CTSD: variants seen among roughly 807,000 people sequenced by gnomAD.
The protein encoded by CTSD is cathepsin D.
CTSD carries 28 observed loss-of-function variants against 43.6 expected under a neutral mutation model. That is an observed-to-expected ratio of 0.64 (90% CI 0.48 to 0.88). CTSD has a LOEUF of 0.88. Among genes scored for constraint, CTSD ranks in the 40% least tolerant of loss-of-function variants. CTSD has a pLI of 0.00. For missense variants in CTSD, 485 were observed against 555.2 expected (o/e 0.87, Z 1.27); for synonymous variants, 270 against 249.8 (o/e 1.08, Z -0.76).
At chr11:1,754,508 A>AGGGATGTG (rs1845777584) in intron 6 of CTSD, among the ~76,000 whole-genome samples, 4 of 24,442 alleles carry the variant, frequency 1.6e-4, no homozygotes, top group Admixed American at 5.7e-4. Context: ...GTGGGGATGG[A>AGGGATGTG]GGGATGGAGG....
intron 2 of CTSD, 183 bp downstream of exon 2, chr11:1,761,126 G>T: frequency 1.5e-6 from 1 of 671,966 alleles, no homozygotes; most frequent in Non-Finnish European, 2.7e-6. Context: ...AATGACAGGG[G>T]CCAGTGGCAG....
chr11:1,762,830 G>A (rs936698176), intron 1 of CTSD, among the ~76,000 whole-genome samples: 1 of 152,126 alleles, frequency 6.6e-6, no homozygotes, highest in African/African-American at 2.4e-5. Context: ...GGGGCTACCC[G>A]CCCCCGGGCC....
At chr11:1,759,397 C>T (rs1845847351) in intron 3 of CTSD, 119 bp downstream of exon 3, 7 of 1,462,680 alleles carry the variant, frequency 4.8e-6, no homozygotes, top group African/African-American at 1.4e-5. Context: ...GAGGGCTGGC[C>T]TGGCTCACGG....
In CTSD at chr11:1,757,363, T is replaced by A; in HGVS notation, c.665A>T (p.Lys222Met). The change falls in exon 5 of 9, where the codon AAG becomes ATG. Residue 222 changes from lysine (K) to methionine (M), a missense_variant. Physicochemically the swap from Lys to Met is moderately conservative, Grantham distance 95. Coordinates refer to ENST00000236671, the MANE Select transcript of CTSD (RefSeq NM_001909.5). The part of the protein sequence containing the change: ...LPVFDNLMQQ[K>M]LVDQNIFSFY... Reference sequence around the variant, plus strand: ...GGAGAAGATGTTCTGGTCCACCAGCTTCTGCTGCATCAGGTTGTCGAAGAC... The same window carrying A: ...GGAGAAGATGTTCTGGTCCACCAGCATCTGCTGCATCAGGTTGTCGAAGAC... 6.2e-7 allele frequency: 1 copy of A among 1,614,088 alleles called. No homozygotes were observed. Among genetic ancestry groups the A allele is most frequent in the Non-Finnish European group, 8.5e-7 (1 of 1,180,022 alleles).
At position 1,753,751 on chromosome 11, in the gene CTSD, C is replaced by A. The variant is rs566126975; in HGVS notation, c.1071+52G>T. The A allele has an allele frequency of 4.7e-5, 75 of 1,606,684 alleles. No homozygotes were observed. The South Asian group carries it at 6.5e-4, about 14-fold the overall frequency. On this transcript the variant is annotated intron_variant, in intron 8 of 8. Coordinates refer to ENST00000236671, the MANE Select transcript of CTSD (RefSeq NM_001909.5). ...GTTGCCCGCTCACCTGGAGCGTGCGCCCCCTCACCGCCCGCTCACCTGGGG... is the reference window on the plus strand; with the variant it reads ...GTTGCCCGCTCACCTGGAGCGTGCGACCCCTCACCGCCCGCTCACCTGGGG...
rs1222996487 is a variant in CTSD, at chr11:1,757,933, T to A, written c.472-377A>T. ...CAGCCTGGGCCAGGAGCCCGAGAGA[T>A]GGGGAACCTGCCGACCCCATCCCAA... On this transcript the variant is annotated intron_variant, in intron 4 of 8. Coordinates refer to ENST00000236671, the MANE Select transcript of CTSD (RefSeq NM_001909.5). 9 of 335,428 alleles carry A rather than the reference T, an allele frequency of 2.7e-5. No individual in the cohort carries two copies. The Admixed American group carries it at 2.7e-4, about 10-fold the overall frequency. 20.8% of individuals were successfully genotyped at this position (335,428 alleles called of 1,614,324 possible).
rs767163886 is a variant in CTSD at position 1,753,371 on chromosome 11, G to C, written c.*132C>G. On this transcript the variant is annotated 3_prime_UTR_variant, in exon 9 of 9. Coordinates refer to ENST00000236671, the MANE Select transcript of CTSD (RefSeq NM_001909.5). ...CAAAACAGCAAGTCGGGCTTGGGCC[G>C]CCGGCTTCCAGGGCGCCCAGGACAG... The C allele has an allele frequency of 8.8e-7, 1 of 1,134,448 alleles. No homozygotes were observed. The highest frequency in any genetic ancestry group is 1.8e-5 in the Admixed American group (1 of 56,400). The allele number at this position is 1,134,448 out of a possible 1,614,324, so 70.3% of individuals were successfully genotyped here. A position where few individuals can be genotyped will look rare whatever the true frequency, so the allele number is the denominator to read the frequency against.
rs1441030551 is a variant in CTSD, at chr11:1,754,531, GGAGGGA to G, written c.827+369_827+374del. ...GGAGGGATGGAGGGATGGAGGGGATGGAGGGATGGAGGGATGGAGGGGATGGAGGGA... is the reference window on the plus strand; with the variant it reads ...GGAGGGATGGAGGGATGGAGGGGATGTGGAGGGATGGAGGGGATGGAGGGA... On this transcript the variant is annotated intron_variant, in intron 6 of 8. Transcript: ENST00000236671. Among the ~76,000 whole-genome samples the G allele has an allele frequency of 1.5e-3, 67 of 43,250 alleles. 2 individuals are homozygous for G. The highest frequency in any genetic ancestry group is 3.8e-3 in the South Asian group (4 of 1,054). 28.4% of individuals were successfully genotyped at this position (43,250 alleles called of 152,430 possible). A position where few individuals can be genotyped will look rare whatever the true frequency, so the allele number is the denominator to read the frequency against.
intron 4 of CTSD, 84 bp downstream of exon 4, chr11:1,758,885 C>T: frequency 1.9e-6 from 2 of 1,029,278 alleles, no homozygotes; most frequent in South Asian, 1.3e-5. Flanking sequence ...TCACCGAGCC[C>T]TCCCTTTCAA....
chr11:1,762,580 G>A (rs947091517), intron 1 of CTSD: 7 of 152,250 alleles, frequency 4.6e-5, no homozygotes, highest in African/African-American at 1.2e-4. Flanking sequence ...AGAGCTCCAG[G>A]TTTTGTCCTG....
rs144192783 is a variant in CTSD at position 1,761,314 on chromosome 11, T to C, written c.223A>G (p.Met75Val). The change falls in exon 2 of 9, where the codon ATG becomes GTG. Residue 75 changes from methionine (M) to valine (V), a missense_variant. Coordinates refer to ENST00000236671, the MANE Select transcript of CTSD (RefSeq NM_001909.5). ...GGCTAAGACCTCATACTCACGTCCATGTAGTTCTTGAGCACCTCGGGAATG... is the reference window on the plus strand; with the variant it reads ...GGCTAAGACCTCATACTCACGTCCACGTAGTTCTTGAGCACCTCGGGAATG... Reference protein sequence around the residue: ...GPIPEVLKNYMDAQYYGEIGI... With the variant: ...GPIPEVLKNYVDAQYYGEIGI... The C allele has an allele frequency of 1.5e-5, 24 of 1,613,574 alleles. No individual in the cohort carries two copies. The highest frequency in any genetic ancestry group is 2.7e-5 in the African/African-American group (2 of 74,944).
chr11:1,754,177 G>T, intron 6 of CTSD, 39 bp from the exon 7 acceptor site: 1 of 1,595,598 alleles, frequency 6.3e-7, no homozygotes. Flanking sequence ...GCCGGGACTG[G>T]AGTGTGCCCT....
Position 1,753,054 on chromosome 11 carries a change from C to T in CTSD, c.*449G>A. On this transcript the variant is annotated 3_prime_UTR_variant, in exon 9 of 9. Coordinates refer to ENST00000236671, the MANE Select transcript of CTSD (RefSeq NM_001909.5). The stretch of plus-strand genomic sequence containing the variant: ...GTAGGGTGGCAGAGCCCAGCTGGGC[C>T]CAAGCTGGGCAGAGGGGCCCTCAGG... The T allele has an allele frequency of 6.8e-6, 2 of 294,164 alleles. No homozygotes were observed. Among genetic ancestry groups the T allele is most frequent in the South Asian group, 3.0e-5 (1 of 32,864 alleles). 18.2% of individuals were successfully genotyped at this position (294,164 alleles called of 1,614,324 possible).
chr11:1,763,023 C>T (rs1001623943), intron 1 of CTSD: 1 of 152,426 alleles, frequency 6.6e-6, no homozygotes. Context: ...CAGCATACCC[C>T]TCCTGGGAAT....
At position 1,754,964 on chromosome 11, in the gene CTSD, C is replaced by G; in HGVS notation, c.769G>C (p.Gly257Arg). 1.9e-6 allele frequency: 3 copies of G among 1,613,940 alleles called. No homozygotes were observed. The highest frequency in any genetic ancestry group is 2.5e-6 in the Non-Finnish European group (3 of 1,179,910). The change falls in exon 6 of 9, where the codon GGT (glycine) becomes CGT (arginine). Residue 257 changes from glycine to arginine, a missense_variant. Transcript: ENST00000236671. ...GTGACATTCAGGTAGGACAGAGAAC[C>G]CTTGTAATACTTGGAGTCTGTGCCA... ...LGGTDSKYYKGSLSYLNVTRK... is the reference protein window; with the variant it reads ...LGGTDSKYYKRSLSYLNVTRK...
intron 1 of CTSD, 111 bp from the exon 2 acceptor site, chr11:1,761,579 G>T: frequency 2.5e-6 from 3 of 1,216,962 alleles, no homozygotes; most frequent in Non-Finnish European, 2.4e-6. Context: ...AGTCGCCACA[G>T]CCAAAACCAA....
Position 1,753,034 on chromosome 11 carries a change from GT to G in CTSD, c.*468del. The G allele has an allele frequency of 3.5e-6, 1 of 284,852 alleles. No homozygotes were observed. Among genetic ancestry groups the G allele is most frequent in the Non-Finnish European group, 6.9e-6 (1 of 144,360 alleles). 17.6% of individuals were successfully genotyped at this position (284,852 alleles called of 1,614,324 possible). On this transcript the variant is annotated 3_prime_UTR_variant, in exon 9 of 9. Coordinates refer to ENST00000236671, the MANE Select transcript of CTSD (RefSeq NM_001909.5). ...GGGCCCGGGACACTGAACAGGTAGG[GT>G]GGCAGAGCCCAGCTGGGCCCAAGCT...
intron 6 of CTSD, 197 bp from the exon 7 acceptor site, chr11:1,754,335 C>T: frequency 2.1e-6 from 1 of 478,594 alleles, no homozygotes; most frequent in South Asian, 2.4e-5. Flanking sequence ...GGTGGGAGAC[C>T]CTCAGGTGGT....
chr11:1,757,415 G>A lies in CTSD; in HGVS notation c.613C>T (p.Arg205Cys), dbSNP rs769825646. The A allele has an allele frequency of 8.1e-6, 13 of 1,614,142 alleles. No homozygotes were observed. In the East Asian group the frequency reaches 8.9e-5, roughly 11 times the overall value. Residue 205 changes from arginine (R) to cysteine (C), a missense_variant, in exon 5 of 9, where the codon CGC (arginine) becomes TGC (cysteine). Transcript: ENST00000236671. ...GGCAGCACGTTGTTGACGGAGATGC[G>A]GGGGTAGGCCATGCCCAGGATGCCA... is the stretch of plus-strand genomic sequence containing the variant. ...FDGILGMAYP[R>C]ISVNNVLPVF...
Sources: allele counts gnomAD v4.1 joint callset (sites outside exome capture counted in the v4.1 genomes callset), GRCh38; gene constraint gnomAD v4.1.1; transcripts MANE v1.5; gene names NCBI Gene and HGNC (gene_info 2026-07-23, HGNC 2026-07-21).